The following ANKS1B variants were observed in gnomAD, a reference collection of about 807,000 sequenced individuals.
The protein encoded by ANKS1B is ankyrin repeat and sterile alpha motif domain containing 1B, also known as ankyrin repeat and sterile alpha motif domain-containing protein 1B.
Under a neutral mutation model 148.3 loss-of-function variants are expected in ANKS1B, and 36 were observed. The observed-to-expected ratio is 0.24, with a 90% CI of 0.19 to 0.32. The LOEUF (loss-of-function observed/expected upper bound fraction) is 0.32, where lower values mean the gene tolerates loss of function less well. ANKS1B is among the 10% of genes least tolerant of loss of function. ANKS1B has a pLI of 1.00. For synonymous variants in ANKS1B, 542 were observed against 560.8 expected, an observed-to-expected ratio of 0.97 and a Z score of 0.47; for missense variants, 1,157 against 1,542.6, an observed-to-expected ratio of 0.75 and a Z score of 4.19.
At chr12:99,035,552 T>A (rs551645867) in intron 17 of ANKS1B, among the ~76,000 whole-genome samples, 1 of 152,230 alleles carries the variant, frequency 6.6e-6, no homozygotes. Flanking sequence ...GTCTTCATCC[T>A]GAAGGCTCCC....
chr12:99,281,697 A>C (rs184351255), intron 12 of ANKS1B, among the ~76,000 whole-genome samples: 172 of 152,334 alleles, frequency 1.1e-3, no homozygotes, highest in African/African-American at 4.0e-3. Flanking sequence ...AAAAGTAAGA[A>C]ACATTTTGCC....
At chr12:99,873,569 G>C (rs1483291956) in intron 1 of ANKS1B, among the ~76,000 whole-genome samples, 1 of 152,038 alleles carries the variant, frequency 6.6e-6, no homozygotes, top group Admixed American at 6.6e-5. Flanking sequence ...ATTTTATTCT[G>C]AGTCTTCTCT....
At chr12:99,946,600 G>A (rs2095068608) in intron 1 of ANKS1B, among the ~76,000 whole-genome samples, 1 of 152,184 alleles carries the variant, frequency 6.6e-6, no homozygotes, top group African/African-American at 2.4e-5. Flanking sequence ...TTCAATATAT[G>A]AAATTTTGGG....
chr12:99,459,605 T>C (rs1021954081), intron 10 of ANKS1B, among the ~76,000 whole-genome samples: 18 of 151,930 alleles, frequency 1.2e-4, no homozygotes, highest in African/African-American at 4.1e-4. Flanking sequence ...AGCCTTGCTA[T>C]ACACCAACAG....
chr12:99,430,627 A>G (rs912928421), intron 11 of ANKS1B, among the ~76,000 whole-genome samples: 1 of 152,190 alleles, frequency 6.6e-6, no homozygotes, highest in Non-Finnish European at 1.5e-5. Flanking sequence ...TTATCCCCTA[A>G]GGAATTAGAG....
In ANKS1B at chr12:99,807,430, G is replaced by T. The variant is rs79934080; in HGVS notation, c.373-730C>A. On this transcript the variant is annotated intron_variant, in intron 3 of 26. Coordinates refer to ENST00000683438, the MANE Select transcript of ANKS1B (RefSeq NM_001352186.2). ...AAGATACAGAAAACTGAACCCAGTT[G>T]CAAGGCAGAGGGACCCTTCAGACTA... Among the ~76,000 whole-genome samples, 228 of 152,202 alleles carry T rather than the reference G, an allele frequency of 1.5e-3. 6 individuals carry two copies. The East Asian group carries it at 0.036, about 24-fold the overall frequency.
At chr12:99,661,737 G>A (rs1381328529) in intron 8 of ANKS1B, among the ~76,000 whole-genome samples, 1 of 152,008 alleles carries the variant, frequency 6.6e-6, no homozygotes, top group Non-Finnish European at 1.5e-5. Context: ...TTTTATTCTT[G>A]TATGGTACTA....
intron 11 of ANKS1B, among the ~76,000 whole-genome samples, chr12:99,403,773 T>G (rs1412954330): frequency 6.9e-6 from 1 of 145,708 alleles, no homozygotes; most frequent in Non-Finnish European, 1.5e-5. Flanking sequence ...AGGATATTTC[T>G]GTTCCTAAAA....
At chr12:99,638,451 A>G (rs1207914048) in intron 9 of ANKS1B, among the ~76,000 whole-genome samples, 1 of 152,202 alleles carries the variant, frequency 6.6e-6, no homozygotes, top group Non-Finnish European at 1.5e-5. Flanking sequence ...GATTCTTGCT[A>G]TGCTTTAGCA....
In ANKS1B at chr12:99,105,543, C is replaced by T. The variant is rs189556602; in HGVS notation, c.2527-20520G>A. Among the ~76,000 whole-genome samples, 16 of 146,756 alleles carry T rather than the reference C, an allele frequency of 1.1e-4. No homozygotes were observed. In the South Asian group the frequency reaches 1.8e-3, roughly 16 times the overall value. On this transcript the variant is annotated intron_variant, in intron 15 of 26. Transcript: ENST00000683438. ...AAATTTTTTGGGAGGCCGAGGCGGGCGGATCACAAGGTCAGGAGATTGAGA... is the reference window on the plus strand; with the variant it reads ...AAATTTTTTGGGAGGCCGAGGCGGGTGGATCACAAGGTCAGGAGATTGAGA...
At chr12:99,136,969 C>T (rs2068312717) in intron 15 of ANKS1B, among the ~76,000 whole-genome samples, 1 of 152,142 alleles carries the variant, frequency 6.6e-6, no homozygotes, top group South Asian at 2.1e-4. Context: ...AATCAAACGG[C>T]TAACCAGTCA....
intron 8 of ANKS1B, among the ~76,000 whole-genome samples, chr12:99,684,368 C>CA (rs572669891): frequency 0.27 from 21,853 of 81,966 alleles, 2,424 homozygotes; most frequent in East Asian, 0.58. Context: ...ACAACAGCTG[C>CA]AAAAAAAAAA....
intron 8 of ANKS1B, among the ~76,000 whole-genome samples, chr12:99,715,850 T>C (rs1207220139): frequency 1.3e-5 from 2 of 152,204 alleles, no homozygotes; most frequent in Non-Finnish European, 2.9e-5. Flanking sequence ...CTTCTCTTAA[T>C]TTCAATTGCT....
intron 9 of ANKS1B, among the ~76,000 whole-genome samples, chr12:99,549,804 C>G (rs1172617108): frequency 6.6e-6 from 1 of 152,160 alleles, no homozygotes; most frequent in Admixed American, 6.5e-5. Context: ...TTCCACAGAC[C>G]CTGGTCACAG....
chr12:98,873,574 G>A (rs760248979), intron 17 of ANKS1B, among the ~76,000 whole-genome samples: 3 of 152,170 alleles, frequency 2.0e-5, no homozygotes, highest in Non-Finnish European at 4.4e-5. Context: ...GGTGGAAGAA[G>A]AGACCTTGAC....
At chr12:98,811,109 T>C (rs754421043) in intron 19 of ANKS1B, among the ~76,000 whole-genome samples, 21 of 152,314 alleles carry the variant, frequency 1.4e-4, no homozygotes, top group Non-Finnish European at 2.8e-4. Context: ...TGGTCTCCCA[T>C]GTGCTCTACG....
chr12:99,984,038 G>A (rs752367659), intron 1 of ANKS1B, 66 bp downstream of exon 1: 29 of 1,371,132 alleles, frequency 2.1e-5, no homozygotes, highest in Non-Finnish European at 1.8e-5. Context: ...CCGTGAGGAG[G>A]AGGACGTATA....
chr12:98,936,315 G>T (rs1567878276), intron 17 of ANKS1B, among the ~76,000 whole-genome samples: 1 of 152,146 alleles, frequency 6.6e-6, no homozygotes, highest in Non-Finnish European at 1.5e-5. Flanking sequence ...TCTCCATACT[G>T]CCATACCACC....
At chr12:99,052,601 G>A (rs1240665567) in intron 17 of ANKS1B, among the ~76,000 whole-genome samples, 4 of 148,800 alleles carry the variant, frequency 2.7e-5, no homozygotes, top group South Asian at 2.2e-4. Flanking sequence ...GGTGGCGGGC[G>A]CCTGTAGTCC....
Sources: gnomAD v4.1 joint callset for allele counts (sites outside exome capture counted in the v4.1 genomes callset) on GRCh38, gnomAD v4.1.1 for gene constraint, MANE v1.5 for transcripts, NCBI Gene and HGNC (gene_info 2026-07-23, HGNC 2026-07-21) for gene names.